ELL2: variants seen among roughly 807,000 people sequenced by gnomAD.
ELL2 encodes elongation factor for RNA polymerase II 2.
Under a neutral mutation model 72.8 loss-of-function variants are expected in ELL2, and 21 were observed. The observed-to-expected ratio is 0.29, with a 90% CI of 0.20 to 0.42. The LOEUF (loss-of-function observed/expected upper bound fraction) is 0.42. ELL2 is among the 10% of genes least tolerant of loss of function. The pLI is 1.00. For synonymous variants in ELL2, 266 were observed against 283.2 expected, an observed-to-expected ratio of 0.94 and a Z score of 0.61; for missense variants, 568 against 772.8, an observed-to-expected ratio of 0.73 and a Z score of 3.14.
chr5:95,936,053 GAA>G (rs1383436185), intron 2 of ELL2, among the ~76,000 whole-genome samples: 1 of 152,186 alleles, frequency 6.6e-6, no homozygotes, highest in African/African-American at 2.4e-5. Context: ...CTTTTTAAAT[GAA>G]AGAGAATGGA....
At chr5:95,948,151 A>C (rs1387700834) in intron 1 of ELL2, among the ~76,000 whole-genome samples, 1 of 152,164 alleles carries the variant, frequency 6.6e-6, no homozygotes, top group African/African-American at 2.4e-5. Flanking sequence ...TAAAAATGCC[A>C]TAAGGCCGGG....
intron 3 of ELL2, among the ~76,000 whole-genome samples, chr5:95,916,011 G>A (rs568108510): frequency 2.0e-5 from 3 of 151,848 alleles, no homozygotes; most frequent in Admixed American, 1.3e-4. Flanking sequence ...GAGGAAGGGG[G>A]ACACCAGAAG....
chr5:95,930,213 C>T (rs936791077), intron 2 of ELL2, among the ~76,000 whole-genome samples: 2 of 152,146 alleles, frequency 1.3e-5, no homozygotes, highest in Non-Finnish European at 2.9e-5. Context: ...AAATATGAAT[C>T]GCAACTTCCA....
At chr5:95,908,293 G>A (rs539188772) in intron 4 of ELL2, among the ~76,000 whole-genome samples, 5 of 152,292 alleles carry the variant, frequency 3.3e-5, no homozygotes, top group South Asian at 2.1e-4. Flanking sequence ...GGCAGGTACC[G>A]TCCCCTTTCA....
At chr5:95,930,250 AC>A (rs1485934356) in intron 2 of ELL2, among the ~76,000 whole-genome samples, 1 of 152,172 alleles carries the variant, frequency 6.6e-6, no homozygotes, top group African/African-American at 2.4e-5. Flanking sequence ...CTCTCCTTGT[AC>A]CCTGGAGCCT....
chr5:95,948,221 G>C (rs1460886961), intron 1 of ELL2, among the ~76,000 whole-genome samples: 1 of 152,074 alleles, frequency 6.6e-6, no homozygotes, highest in African/African-American at 2.4e-5. Context: ...CAAGAGGTCA[G>C]GAGATAGAGA....
At chr5:95,911,553 G>A (rs989221956) in intron 4 of ELL2, among the ~76,000 whole-genome samples, 5 of 152,046 alleles carry the variant, frequency 3.3e-5, no homozygotes, top group African/African-American at 1.2e-4. Context: ...TGTTGGTGTT[G>A]GCCAGGATGG....
intron 2 of ELL2, among the ~76,000 whole-genome samples, chr5:95,929,469 G>T (rs1434862922): frequency 6.6e-6 from 1 of 152,074 alleles, no homozygotes. Context: ...ATGTTGGTCA[G>T]GCTTGTCTCA....
intron 2 of ELL2, among the ~76,000 whole-genome samples, chr5:95,940,219 A>C (rs1750921603): frequency 6.6e-6 from 1 of 152,240 alleles, no homozygotes; most frequent in African/African-American, 2.4e-5. Context: ...TATATTTTTA[A>C]TACTACAAAG....
intron 10 of ELL2, among the ~76,000 whole-genome samples, chr5:95,889,785 C>T (rs1748590794): frequency 6.6e-6 from 1 of 151,588 alleles, no homozygotes; most frequent in Non-Finnish European, 1.5e-5. Context: ...TATGTACATA[C>T]ATTTTATACC....
chr5:95,943,632 T>C (rs957423027), intron 1 of ELL2, among the ~76,000 whole-genome samples: 2 of 152,218 alleles, frequency 1.3e-5, no homozygotes, highest in Non-Finnish European at 2.9e-5. Context: ...GCTAGAAATA[T>C]AAAATTAAAT....
chr5:95,930,190 G>A (rs1370521688), intron 2 of ELL2, among the ~76,000 whole-genome samples: 3 of 151,996 alleles, frequency 2.0e-5, no homozygotes, highest in African/African-American at 7.2e-5. Flanking sequence ...ATTCTACAAG[G>A]AAAAAAAATC....
rs913324762 is a variant in ELL2 at position 95,886,236 on chromosome 5, T to A, written c.*2635A>T. On this transcript the variant is annotated 3_prime_UTR_variant, in exon 12 of 12. Transcript: ENST00000237853. ...AAGTCTTGCAGTAGGGGACGAAAAA[T>A]GATTATAAATATTTTAATAGGCTCA... The A allele has an allele frequency of 5.9e-5, 9 of 152,132 alleles. No individual in the cohort carries two copies. Among genetic ancestry groups the A allele is most frequent in the African/African-American group, 2.2e-4 (9 of 41,420 alleles). 9.4% of individuals were successfully genotyped at this position (152,132 alleles called of 1,614,324 possible). A position where few individuals can be genotyped will look rare whatever the true frequency, so the allele number is the denominator to read the frequency against.
intron 3 of ELL2, among the ~76,000 whole-genome samples, chr5:95,917,709 A>C (rs1749871529): frequency 6.6e-6 from 1 of 152,182 alleles, no homozygotes; most frequent in Non-Finnish European, 1.5e-5. Flanking sequence ...AAGTGTTTCT[A>C]TTCTCTTACT....
At chr5:95,945,498 C>T (rs1216629713) in intron 1 of ELL2, among the ~76,000 whole-genome samples, 1 of 152,186 alleles carries the variant, frequency 6.6e-6, no homozygotes, top group Non-Finnish European at 1.5e-5. Flanking sequence ...TTATGTTCCA[C>T]ACACATCTGT....
At chr5:95,929,450 G>A (rs1373843173) in intron 2 of ELL2, among the ~76,000 whole-genome samples, 1 of 151,986 alleles carries the variant, frequency 6.6e-6, no homozygotes, top group Non-Finnish European at 1.5e-5. Context: ...GTAGAGACAT[G>A]GTTTCACCAT....
intron 2 of ELL2, among the ~76,000 whole-genome samples, chr5:95,931,105 G>A (rs955133948): frequency 6.6e-6 from 1 of 151,550 alleles, no homozygotes; most frequent in Non-Finnish European, 1.5e-5. Flanking sequence ...TGAAAAGAGA[G>A]AGCCCTAATG....
At chr5:95,955,127 T>C (rs758531518) in intron 1 of ELL2, among the ~76,000 whole-genome samples, 18 of 152,166 alleles carry the variant, frequency 1.2e-4, no homozygotes, top group Non-Finnish European at 1.9e-4. Context: ...CCATTGTTTC[T>C]GCTGGAGATG....
intron 1 of ELL2, among the ~76,000 whole-genome samples, chr5:95,943,887 A>T (rs144819298): frequency 6.0e-4 from 92 of 152,326 alleles, no homozygotes; most frequent in African/African-American, 2.1e-3. Flanking sequence ...GATTTCCTGT[A>T]TTCAAAGTCA....
Sources: allele counts gnomAD v4.1 joint callset (sites outside exome capture counted in the v4.1 genomes callset), GRCh38; gene constraint gnomAD v4.1.1; transcripts MANE v1.5; gene names NCBI Gene and HGNC (gene_info 2026-07-23, HGNC 2026-07-21).